The following PLCL1 variants were observed in gnomAD, a reference collection of about 807,000 sequenced individuals.
The protein encoded by PLCL1 is inactive phospholipase C-like protein 1.
PLCL1 carries 41 observed loss-of-function variants against 84.4 expected under a neutral mutation model. The observed-to-expected ratio is 0.49, with a 90% CI of 0.38 to 0.63. The LOEUF (loss-of-function observed/expected upper bound fraction) is 0.63, where lower values mean the gene tolerates loss of function less well. Among genes scored for constraint, PLCL1 ranks in the 30% least tolerant of loss-of-function variants. The probability of loss-of-function intolerance (pLI) is 0.00; values close to 1 mark genes in which losing one functional copy is unlikely to be tolerated. For synonymous variants in PLCL1, 490 were observed against 488.3 expected (o/e 1.00, Z -0.05); for missense variants, 1,206 against 1,367.8 (o/e 0.88, Z 1.87).
intron 1 of PLCL1, among the ~76,000 whole-genome samples, chr2:197,839,435 A>G (rs1282236757): frequency 6.6e-6 from 1 of 152,200 alleles, no homozygotes; most frequent in Admixed American, 6.5e-5. Context: ...GGGGCATGCA[A>G]CCTAGGTCCC....
chr2:197,814,350 G>A (rs767780290), intron 1 of PLCL1, among the ~76,000 whole-genome samples: 1 of 152,284 alleles, frequency 6.6e-6, no homozygotes, highest in African/African-American at 2.4e-5. Flanking sequence ...TCTGTGATCA[G>A]TAATCTTTGA....
At chr2:198,134,819 C>G (rs924503841) in intron 5 of PLCL1, among the ~76,000 whole-genome samples, 1 of 152,102 alleles carries the variant, frequency 6.6e-6, no homozygotes, top group African/African-American at 2.4e-5. Context: ...TGCTGAAATC[C>G]AGCACTGTGG....
chr2:197,837,160 T>C (rs1004708148), intron 1 of PLCL1, among the ~76,000 whole-genome samples: 2 of 152,122 alleles, frequency 1.3e-5, no homozygotes, highest in African/African-American at 4.8e-5. Flanking sequence ...GTCAGAGTCA[T>C]GGGGTTTGTG....
At chr2:197,957,656 C>T (rs1179805392) in intron 1 of PLCL1, among the ~76,000 whole-genome samples, 7 of 152,042 alleles carry the variant, frequency 4.6e-5, no homozygotes, top group African/African-American at 1.7e-4. Context: ...CCTCCCGACT[C>T]GGAGCCTATT....
chr2:197,950,355 A>G (rs969428836), intron 1 of PLCL1, among the ~76,000 whole-genome samples: 3 of 152,124 alleles, frequency 2.0e-5, no homozygotes, highest in Non-Finnish European at 4.4e-5. Flanking sequence ...CCCGTCCAGC[A>G]CCTGAATTCA....
At chr2:197,814,970 G>C (rs985632459) in intron 1 of PLCL1, among the ~76,000 whole-genome samples, 2 of 152,180 alleles carry the variant, frequency 1.3e-5, no homozygotes, top group African/African-American at 4.8e-5. Context: ...AAGGAAGGAA[G>C]CTATCTCTAT....
intron 1 of PLCL1, among the ~76,000 whole-genome samples, chr2:197,971,188 C>G (rs1689856140): frequency 6.6e-6 from 1 of 152,118 alleles, no homozygotes; most frequent in Non-Finnish European, 1.5e-5. Flanking sequence ...AAATTAGGCC[C>G]CTTTGCATGG....
intron 1 of PLCL1, among the ~76,000 whole-genome samples, chr2:197,866,612 CATCTA>C (rs1015068663): frequency 4.6e-5 from 7 of 152,214 alleles, no homozygotes; most frequent in African/African-American, 1.7e-4. Flanking sequence ...CAGCAGCCCT[CATCTA>C]ATAACTCTCT....
chr2:198,014,646 A>G (rs747832460), intron 1 of PLCL1, among the ~76,000 whole-genome samples: 1 of 152,106 alleles, frequency 6.6e-6, no homozygotes, highest in Non-Finnish European at 1.5e-5. Flanking sequence ...TTTTAAATAG[A>G]TAATATGCAA....
chr2:198,083,318 T>C, intron 1 of PLCL1, among the ~76,000 whole-genome samples: 1 of 152,208 alleles, frequency 6.6e-6, no homozygotes, highest in East Asian at 1.9e-4. Flanking sequence ...CAAAGTATGT[T>C]AAGGTAAAAC....
chr2:198,010,137 C>A (rs1690833603), intron 1 of PLCL1, among the ~76,000 whole-genome samples: 3 of 151,916 alleles, frequency 2.0e-5, no homozygotes, highest in Admixed American at 2.0e-4. Flanking sequence ...TTCTTCTTTT[C>A]CAAATTTTAG....
intron 5 of PLCL1, among the ~76,000 whole-genome samples, chr2:198,108,715 A>T (rs1693548048): frequency 6.6e-6 from 1 of 151,962 alleles, no homozygotes; most frequent in Admixed American, 6.6e-5. Context: ...TTAGCAAGGA[A>T]ACTGAAATCA....
intron 1 of PLCL1, among the ~76,000 whole-genome samples, chr2:198,051,979 G>T (rs185915932): frequency 0.013 from 1,912 of 151,890 alleles, 34 homozygotes; most frequent in African/African-American, 0.043. Context: ...GCGTGATCTT[G>T]GCTCACCACA....
intron 5 of PLCL1, among the ~76,000 whole-genome samples, chr2:198,120,294 C>T (rs552290754): frequency 2.0e-5 from 3 of 152,092 alleles, no homozygotes; most frequent in African/African-American, 7.2e-5. Context: ...TATCCATCCC[C>T]TCAAGGATCT....
chr2:198,074,659 C>CA (rs1195413851), intron 1 of PLCL1, among the ~76,000 whole-genome samples: 1 of 151,984 alleles, frequency 6.6e-6, no homozygotes, highest in Non-Finnish European at 1.5e-5. Context: ...AACAAACAAA[C>CA]AAAAAAACCC....
intron 1 of PLCL1, among the ~76,000 whole-genome samples, chr2:197,992,504 AC>A (rs888333017): frequency 6.6e-6 from 1 of 151,638 alleles, no homozygotes; most frequent in Non-Finnish European, 1.5e-5. Context: ...GGCTCAACCA[AC>A]CCCCCTCCTC....
At chr2:197,880,189 G>A (rs576870039) in intron 1 of PLCL1, among the ~76,000 whole-genome samples, 7 of 152,092 alleles carry the variant, frequency 4.6e-5, no homozygotes, top group Non-Finnish European at 1.0e-4. Context: ...TTTTGGCAGT[G>A]CTTATGTATG....
At chr2:197,947,743 A>C (rs1275281963) in intron 1 of PLCL1, among the ~76,000 whole-genome samples, 4 of 152,154 alleles carry the variant, frequency 2.6e-5, no homozygotes, top group Admixed American at 2.0e-4. Flanking sequence ...GTGCACACTT[A>C]ACAAAAACCT....
At chr2:197,986,472 C>CT (rs1462254095) in intron 1 of PLCL1, among the ~76,000 whole-genome samples, 2 of 152,280 alleles carry the variant, frequency 1.3e-5, no homozygotes, top group Admixed American at 6.5e-5. Context: ...CCACCTCAGC[C>CT]TTTGAGTAGC....
Sources: gnomAD v4.1 joint callset for allele counts (sites outside exome capture counted in the v4.1 genomes callset) on GRCh38, gnomAD v4.1.1 for gene constraint, MANE v1.5 for transcripts, NCBI Gene and HGNC (gene_info 2026-07-23, HGNC 2026-07-21) for gene names.